Variants in COL5A2 observed in about 807,000 individuals in gnomAD.
The protein encoded by COL5A2 is collagen type V alpha 2 chain, also known as collagen alpha-2(V) chain.
Under a neutral mutation model 208.2 loss-of-function variants are expected in COL5A2, and 23 were observed. The observed-to-expected ratio is 0.11, with a 90% CI of 0.08 to 0.16. COL5A2 has a LOEUF of 0.16. COL5A2 is among the 10% of genes least tolerant of loss of function. COL5A2 has a pLI of 1.00. For missense variants in COL5A2, 1,590 were observed against 1,956.4 expected (o/e 0.81, Z 3.53); for synonymous variants, 625 against 628.5 (o/e 0.99, Z 0.08).
In COL5A2 at chr2:189,068,799, G is replaced by A. The variant is rs868256946; in HGVS notation, c.1244C>T (p.Ser415Phe). ...CTAGAAACTTACAGGAAGACCTGGA[G>A]AGCCAACTGGACCTGGGGGCCCAGT... ...GETGPPGPVG[S>F]PGLPGAIGTD... is the part of the protein sequence containing the mutation. Residue 415 changes from serine to phenylalanine, a missense_variant, in exon 19 of 54, where the codon TCT (serine) becomes TTT (phenylalanine). By Grantham distance (155) the Ser-to-Phe change is radical. Coordinates refer to ENST00000374866, the MANE Select transcript of COL5A2 (RefSeq NM_000393.5). 2 of 1,612,786 alleles carry A rather than the reference G, an allele frequency of 1.2e-6. No homozygotes were observed. The highest frequency in any genetic ancestry group is 8.5e-7 in the Non-Finnish European group (1 of 1,179,212).
chr2:189,349,759 G>A, the COL5A2 span, among the ~76,000 whole-genome samples: 2 of 152,242 alleles, frequency 1.3e-5, no homozygotes, highest in East Asian at 1.9e-4. Context: ...CTTCTCATCA[G>A]ATAATAGAAT....
At chr2:189,290,228 AAC>A in the COL5A2 span, among the ~76,000 whole-genome samples, 4 of 152,202 alleles carry the variant, frequency 2.6e-5, no homozygotes, top group Non-Finnish European at 5.9e-5. Context: ...ACACAATGAG[AAC>A]ATCTAGGTTT....
At chr2:189,423,895 GAA>G in the COL5A2 span, among the ~76,000 whole-genome samples, 1 of 145,738 alleles carries the variant, frequency 6.9e-6, no homozygotes, top group Non-Finnish European at 1.5e-5. Context: ...AGACGAGGGG[GAA>G]AAAAAAAAGC....
intron 1 of COL5A2, among the ~76,000 whole-genome samples, chr2:189,190,993 C>A (rs1688916123): frequency 6.6e-6 from 1 of 151,582 alleles, no homozygotes; most frequent in African/African-American, 2.4e-5. Context: ...ACACACAGAA[C>A]AATAATAGGA....
At chr2:189,131,738 TGAAAA>T (rs1273677247) in intron 1 of COL5A2, among the ~76,000 whole-genome samples, 2 of 152,294 alleles carry the variant, frequency 1.3e-5, no homozygotes, top group East Asian at 1.9e-4. Flanking sequence ...ACTGAATTGT[TGAAAA>T]GAACAAATAT....
chr2:189,132,416 T>C (rs563450471), intron 1 of COL5A2, among the ~76,000 whole-genome samples: 2 of 152,362 alleles, frequency 1.3e-5, no homozygotes, highest in African/African-American at 4.8e-5. Context: ...ATAGACTTAT[T>C]AGTCCTGGCT....
chr2:189,362,468 T>G, the COL5A2 span, among the ~76,000 whole-genome samples: 1 of 152,270 alleles, frequency 6.6e-6, no homozygotes, highest in South Asian at 2.1e-4. Flanking sequence ...TAGGAAAATG[T>G]CAGTCATGTT....
chr2:189,114,508 T>C (rs1024056667), intron 1 of COL5A2, among the ~76,000 whole-genome samples: 1 of 151,682 alleles, frequency 6.6e-6, no homozygotes, highest in African/African-American at 2.4e-5. Context: ...CAACACAGTA[T>C]AAAATAACAA....
At chr2:189,323,539 A>T in the COL5A2 span, among the ~76,000 whole-genome samples, 1 of 152,168 alleles carries the variant, frequency 6.6e-6, no homozygotes, top group African/African-American at 2.4e-5. Context: ...AGACAAACAG[A>T]GAGCCAAATC....
At position 189,063,246 on chromosome 2, in the gene COL5A2, G is replaced by A; in HGVS notation, c.1795C>T (p.Pro599Ser). 2 of 1,614,078 alleles carry A rather than the reference G, an allele frequency of 1.2e-6. No homozygotes were observed. The highest frequency in any genetic ancestry group is 1.7e-6 in the Non-Finnish European group (2 of 1,180,012). ...ATTCCTATGGAGCCTGGAGGACCTGGACGGCCATCTTCCCCTGGCGCACCC... is the reference window on the plus strand; with the variant it reads ...ATTCCTATGGAGCCTGGAGGACCTGAACGGCCATCTTCCCCTGGCGCACCC... ...PLGAPGEDGR[P>S]GPPGSIGIRG... Residue 599 changes from proline (P) to serine (S), a missense_variant, in exon 27 of 54, where the codon CCA becomes TCA. Physicochemically the swap from Pro to Ser is moderately conservative, Grantham distance 74 (BLOSUM62 -1). Transcript: ENST00000374866.
At chr2:189,086,674 G>A in intron 9 of COL5A2, 52 bp downstream of exon 9, 2 of 1,330,448 alleles carry the variant, frequency 1.5e-6, no homozygotes, top group Non-Finnish European at 2.1e-6. Context: ...TGTAATATAT[G>A]TGTGTGTGTA....
At chr2:189,271,189 C>T in the COL5A2 span, among the ~76,000 whole-genome samples, 3 of 152,122 alleles carry the variant, frequency 2.0e-5, no homozygotes, top group East Asian at 3.9e-4. Flanking sequence ...AAAAACAGCC[C>T]GTATCGTCAA....
At chr2:189,283,871 C>A in the COL5A2 span, among the ~76,000 whole-genome samples, 1 of 152,134 alleles carries the variant, frequency 6.6e-6, no homozygotes, top group Non-Finnish European at 1.5e-5. Flanking sequence ...ACTCTACCAA[C>A]TTCAAAAAAT....
At chr2:189,086,089 T>A (rs1409724158) in intron 9 of COL5A2, among the ~76,000 whole-genome samples, 3 of 152,166 alleles carry the variant, frequency 2.0e-5, no homozygotes, top group African/African-American at 7.2e-5. Flanking sequence ...ATCATCACCA[T>A]CATCAACCAC....
chr2:189,185,956 T>C (rs569782293), intron 1 of COL5A2, among the ~76,000 whole-genome samples: 16 of 152,038 alleles, frequency 1.1e-4, no homozygotes, highest in African/African-American at 3.6e-4. Context: ...CAGGAGCGCA[T>C]AGAAATGATT....
At chr2:189,353,142 G>A in the COL5A2 span, among the ~76,000 whole-genome samples, 1 of 152,110 alleles carries the variant, frequency 6.6e-6, no homozygotes, top group Non-Finnish European at 1.5e-5. Context: ...TGTTCCATTG[G>A]TGTATATATC....
intron 1 of COL5A2, among the ~76,000 whole-genome samples, chr2:189,119,760 C>T (rs1163787256): frequency 6.6e-6 from 1 of 152,002 alleles, no homozygotes; most frequent in Admixed American, 6.6e-5. Context: ...CTTGCTAATA[C>T]AGTCATTAGC....
chr2:189,403,296 T>G, the COL5A2 span, among the ~76,000 whole-genome samples: 2 of 152,372 alleles, frequency 1.3e-5, no homozygotes, highest in Non-Finnish European at 2.9e-5. Context: ...CTTATCAGCT[T>G]AAAAAGCTTT....
At chr2:189,221,252 T>G in intron 1 of COL5A2, among the ~76,000 whole-genome samples, 1 of 152,200 alleles carries the variant, frequency 6.6e-6, no homozygotes, top group Admixed American at 6.5e-5. Context: ...AGTTTGAAGT[T>G]CAGCTTTTGT....
Sources: allele counts gnomAD v4.1 joint callset (sites outside exome capture counted in the v4.1 genomes callset), GRCh38; gene constraint gnomAD v4.1.1; transcripts MANE v1.5; gene names NCBI Gene and HGNC (gene_info 2026-07-23, HGNC 2026-07-21).